Variants in SHANK2 observed in about 807,000 individuals in gnomAD.
SHANK2 encodes the protein SH3 and multiple ankyrin repeat domains 2.
In SHANK2, 43 loss-of-function variants were observed where a neutral mutation model predicts 133.7. The observed-to-expected ratio is 0.32, with a 90% CI of 0.25 to 0.41. SHANK2 has a LOEUF of 0.41. Ranked by LOEUF, SHANK2 falls within the 10% of genes least tolerant of loss-of-function variation. The pLI is 1.00. For synonymous variants in SHANK2, 1,017 were observed against 952.8 expected, an observed-to-expected ratio of 1.07 and a Z score of -1.24; for missense variants, 1,994 against 2,235.8, an observed-to-expected ratio of 0.89 and a Z score of 2.18.
At chr11:70,802,152 C>CTAGAAAGAAGGT (rs1354639152) in intron 13 of SHANK2, among the ~76,000 whole-genome samples, 1 of 152,134 alleles carries the variant, frequency 6.6e-6, no homozygotes, top group Non-Finnish European at 1.5e-5. Context: ...GGAAACCTGG[C>CTAGAAAGAAGGT]TAGAAAGAAG....
At chr11:70,808,403 T>C (rs1402961159) in intron 12 of SHANK2, among the ~76,000 whole-genome samples, 1 of 151,846 alleles carries the variant, frequency 6.6e-6, no homozygotes, top group Non-Finnish European at 1.5e-5. Context: ...GGTTTCACCA[T>C]GTTCACCAGG....
At chr11:71,067,516 T>C (rs1317721407) in intron 9 of SHANK2, among the ~76,000 whole-genome samples, 1 of 152,116 alleles carries the variant, frequency 6.6e-6, no homozygotes, top group African/African-American at 2.4e-5. Flanking sequence ...CCTAATTAGG[T>C]GATTTCATAA....
At chr11:71,198,248 C>G (rs1446487920) in intron 2 of SHANK2, among the ~76,000 whole-genome samples, 25 of 152,140 alleles carry the variant, frequency 1.6e-4, no homozygotes, top group Admixed American at 1.6e-3. Flanking sequence ...TGTACTCAGG[C>G]ACTTTTGCCT....
intron 17 of SHANK2, among the ~76,000 whole-genome samples, chr11:70,517,282 A>G (rs1181224999): frequency 1.3e-5 from 2 of 152,224 alleles, no homozygotes; most frequent in African/African-American, 4.8e-5. Context: ...CCAAAATAAC[A>G]CAGGCACTTT....
chr11:71,171,994 TGG>T (rs1953323935), intron 2 of SHANK2, among the ~76,000 whole-genome samples: 1 of 152,140 alleles, frequency 6.6e-6, no homozygotes, highest in Admixed American at 6.5e-5. Flanking sequence ...GAGGCCTCCT[TGG>T]GGCAGCAGCA....
intron 8 of SHANK2, among the ~76,000 whole-genome samples, chr11:71,078,752 C>T (rs1951253429): frequency 6.6e-6 from 1 of 152,204 alleles, no homozygotes; most frequent in Non-Finnish European, 1.5e-5. Flanking sequence ...CAGAAGTTAC[C>T]ACCCTTTTCC....
At chr11:70,798,921 C>A (rs1456631845) in intron 13 of SHANK2, among the ~76,000 whole-genome samples, 13 of 152,104 alleles carry the variant, frequency 8.5e-5, no homozygotes, top group Admixed American at 8.5e-4. Flanking sequence ...GCTGTCCTTA[C>A]CATCAATGAT....
At chr11:71,102,331 C>T (rs1222571858) in intron 6 of SHANK2, among the ~76,000 whole-genome samples, 2 of 152,080 alleles carry the variant, frequency 1.3e-5, no homozygotes, top group Non-Finnish European at 1.5e-5. Flanking sequence ...ACCAGATGGT[C>T]GCCTGCAATC....
chr11:71,114,335 AG>A (rs142263902), intron 4 of SHANK2, among the ~76,000 whole-genome samples: 2,627 of 152,280 alleles, frequency 0.017, 82 homozygotes, highest in African/African-American at 0.061. Context: ...ATGTGCTCAG[AG>A]CCAGCAAAAA....
In SHANK2 at chr11:70,638,795, G is replaced by C. The variant is rs181320032; in HGVS notation, c.2061+21033C>G. The stretch of plus-strand genomic sequence containing the variant: ...GCCGAGGCGGGTGGATCAGGAGTTC[G>C]AGACCAACCTGGCCAACATGGTGAA... On this transcript the variant is annotated intron_variant, in intron 17 of 25. Coordinates refer to ENST00000601538, the MANE Select transcript of SHANK2 (RefSeq NM_012309.5). Among the ~76,000 whole-genome samples, 7 of 152,082 alleles carry C rather than the reference G, an allele frequency of 4.6e-5. No homozygotes were observed. In the East Asian group the frequency reaches 1.4e-3, roughly 30 times the overall value.
At chr11:70,808,997 CT>C (rs1948223838) in intron 12 of SHANK2, among the ~76,000 whole-genome samples, 3 of 152,310 alleles carry the variant, frequency 2.0e-5, no homozygotes, top group Admixed American at 2.0e-4. Flanking sequence ...TGTTTTCAAC[CT>C]GACTTCTACA....
chr11:71,137,299 T>TAAAAAAA (rs10534209), intron 3 of SHANK2, among the ~76,000 whole-genome samples: 1 of 112,776 alleles, frequency 8.9e-6, no homozygotes, highest in African/African-American at 3.6e-5. Context: ...AATCCTTACT[T>TAAAAAAA]AAAAAAAAAA....
chr11:70,552,745 G>C (rs1409196468), intron 17 of SHANK2, among the ~76,000 whole-genome samples: 1 of 152,182 alleles, frequency 6.6e-6, no homozygotes, highest in Non-Finnish European at 1.5e-5. Flanking sequence ...ACCGTGTCCA[G>C]CTGCATCGGG....
intron 10 of SHANK2, among the ~76,000 whole-genome samples, chr11:70,953,090 C>T (rs1361534395): frequency 2.6e-5 from 4 of 152,072 alleles, no homozygotes; most frequent in Admixed American, 1.3e-4. Flanking sequence ...TTGGTGATTA[C>T]GCTGGCTTAC....
intron 17 of SHANK2, among the ~76,000 whole-genome samples, chr11:70,545,595 G>A (rs2059683071): frequency 6.6e-6 from 1 of 152,212 alleles, no homozygotes; most frequent in South Asian, 2.1e-4. Context: ...CACACCCTCC[G>A]TACGGCGCCT....
chr11:71,214,741 T>C (rs2919737), intron 2 of SHANK2, among the ~76,000 whole-genome samples: 149,640 of 152,228 alleles, frequency 0.98, 73,594 homozygotes, highest in Middle Eastern at 1. Context: ...CCCTGTCCTC[T>C]GGGGTGGGGT....
intron 14 of SHANK2, among the ~76,000 whole-genome samples, chr11:70,787,048 C>T (rs1301630496): frequency 1.3e-5 from 2 of 151,462 alleles, no homozygotes; most frequent in Non-Finnish European, 2.9e-5. Flanking sequence ...CCAAGATCAC[C>T]ACCATGAGCA....
chr11:70,922,204 T>C (rs1327969825), intron 10 of SHANK2, among the ~76,000 whole-genome samples: 4 of 151,886 alleles, frequency 2.6e-5, no homozygotes, highest in Non-Finnish European at 5.9e-5. Flanking sequence ...AATTGGAAAA[T>C]TGGTCAATAA....
chr11:70,880,137 G>A (rs529917850), intron 11 of SHANK2, among the ~76,000 whole-genome samples: 36 of 152,300 alleles, frequency 2.4e-4, no homozygotes, highest in Non-Finnish European at 3.8e-4. Flanking sequence ...TGTCTATCCC[G>A]AGCTCACCTG....
Sources: allele counts gnomAD v4.1 joint callset (sites outside exome capture counted in the v4.1 genomes callset), GRCh38; gene constraint gnomAD v4.1.1; transcripts MANE v1.5; gene names NCBI Gene and HGNC (gene_info 2026-07-23, HGNC 2026-07-21).